The following COL23A1 variants were observed in gnomAD, a reference collection of about 807,000 sequenced individuals.
COL23A1 encodes the protein collagen alpha-1(XXIII) chain.
In COL23A1, 97 loss-of-function variants were observed where a neutral mutation model predicts 99.3. The observed-to-expected ratio is 0.98, with a 90% confidence interval of 0.83 to 1.16. The LOEUF is 1.16. Among genes scored for constraint, COL23A1 ranks in the 50% most tolerant of loss-of-function variants. COL23A1 has a pLI of 0.00. For missense variants in COL23A1, 762 were observed against 757.4 expected (o/e 1.01, Z -0.07); for synonymous variants, 320 against 308.2 (o/e 1.04, Z -0.40).
intron 2 of COL23A1, among the ~76,000 whole-genome samples, chr5:178,435,058 CA>C (rs1766482963): frequency 6.6e-6 from 1 of 152,208 alleles, no homozygotes; most frequent in Non-Finnish European, 1.5e-5. Flanking sequence ...GCGGGGCGAG[CA>C]ATAATCTTTT....
chr5:178,503,837 T>C (rs1758713961), intron 2 of COL23A1, among the ~76,000 whole-genome samples: 1 of 151,856 alleles, frequency 6.6e-6, no homozygotes, highest in Admixed American at 6.6e-5. Context: ...GGAAGGGGCA[T>C]ACAAATTAAA....
chr5:178,545,305 GC>G lies in COL23A1; in HGVS notation c.361+15376del, dbSNP rs1761522045. On this transcript the variant is annotated intron_variant, in intron 2 of 28. Coordinates refer to ENST00000390654, the MANE Select transcript of COL23A1 (RefSeq NM_173465.4). ...GCACTTTGAGCCTCTCCCTGTGCTG[GC>G]CCAACAGGGGGCTCAGGTTCCGCAC... Among the ~76,000 whole-genome samples, 6 of 152,222 alleles carry G rather than the reference GC, an allele frequency of 3.9e-5. No individual in the cohort carries two copies. In the South Asian group the frequency reaches 1.2e-3, roughly 32 times the overall value.
chr5:178,242,768 A>T (rs941184637), intron 25 of COL23A1, among the ~76,000 whole-genome samples: 1 of 152,090 alleles, frequency 6.6e-6, no homozygotes. Flanking sequence ...AGAAATGGTG[A>T]TCTCTGTTCT....
chr5:178,486,591 G>A (rs1757643994), intron 2 of COL23A1, among the ~76,000 whole-genome samples: 1 of 152,168 alleles, frequency 6.6e-6, no homozygotes, highest in Non-Finnish European at 1.5e-5. Flanking sequence ...CTTTCAGGAA[G>A]AGACAGTTGG....
At position 178,306,210 on chromosome 5, in the gene COL23A1, G is replaced by A. The variant is rs1464741577; in HGVS notation, c.406+665C>T. Among the ~76,000 whole-genome samples, 1 of 152,154 alleles carries A rather than the reference G, an allele frequency of 6.6e-6. No individual in the cohort carries two copies. The highest frequency in any genetic ancestry group is 1.5e-5 in the Non-Finnish European group (1 of 68,018). On this transcript the variant is annotated intron_variant, in intron 3 of 28. Transcript: ENST00000390654. The surrounding 1 kb of genome is among the most constrained non-coding windows in gnomAD (Gnocchi z 4.1). ...GACAGCCGGGACTGCCCAGCATGGG[G>A]GAGTGGCCAAGGGTGGGGGTCAAGA...
chr5:178,526,016 T>C (rs567215607), intron 2 of COL23A1, among the ~76,000 whole-genome samples: 6 of 152,336 alleles, frequency 3.9e-5, no homozygotes, highest in Non-Finnish European at 4.4e-5. Flanking sequence ...TAGTCAGCAC[T>C]GCACAGGCAG....
chr5:178,585,335 G>A (rs1466576208), intron 1 of COL23A1, among the ~76,000 whole-genome samples: 4 of 151,316 alleles, frequency 2.6e-5, no homozygotes, highest in African/African-American at 9.7e-5. Context: ...TTGTGGCCCC[G>A]GCTGACGCTC....
intron 2 of COL23A1, among the ~76,000 whole-genome samples, chr5:178,394,600 T>C (rs139563207): frequency 6.6e-6 from 1 of 152,328 alleles, no homozygotes; most frequent in East Asian, 1.9e-4. Flanking sequence ...TTGGGTAAAC[T>C]GAAAATCATC....
chr5:178,320,741 CAA>C (rs1260157453), intron 2 of COL23A1, among the ~76,000 whole-genome samples: 2 of 152,254 alleles, frequency 1.3e-5, no homozygotes, highest in Admixed American at 6.5e-5. Context: ...CGGCTTCCGC[CAA>C]AGAGTTTCAG....
intron 1 of COL23A1, among the ~76,000 whole-genome samples, chr5:178,575,311 T>C (rs761444664): frequency 1.2e-4 from 18 of 152,334 alleles, no homozygotes; most frequent in Non-Finnish European, 2.4e-4. Flanking sequence ...TTCCTAAGGC[T>C]GTCTTTCCAC....
intron 2 of COL23A1, among the ~76,000 whole-genome samples, chr5:178,505,737 G>A (rs1758832419): frequency 6.6e-6 from 1 of 152,150 alleles, no homozygotes; most frequent in South Asian, 2.1e-4. Context: ...AAGGTAATCT[G>A]CAGACAAACA....
rs554360614 is a variant in COL23A1 at position 178,555,428 on chromosome 5, C to A, written c.361+5254G>T. On this transcript the variant is annotated intron_variant, in intron 2 of 28. Transcript: ENST00000390654. ...TGATATACACCTAGAGCTATACTGG[C>A]GGCCACCTTCCCAAGCATAGGTCAC... is the stretch of plus-strand genomic sequence containing the variant. Among the ~76,000 whole-genome samples, 20 of 152,204 alleles carry A rather than the reference C, an allele frequency of 1.3e-4. No homozygotes were observed. In the South Asian group the frequency reaches 4.1e-3, roughly 32 times the overall value.
At chr5:178,585,435 A>G (rs74194245) in intron 1 of COL23A1, among the ~76,000 whole-genome samples, 10,420 of 61,478 alleles carry the variant, frequency 0.17, 554 homozygotes, top group East Asian at 0.41. Flanking sequence ...CCTGGTTGAC[A>G]CTGGGGTAAC....
chr5:178,545,356 G>A (rs558180792), intron 2 of COL23A1, among the ~76,000 whole-genome samples: 2 of 152,224 alleles, frequency 1.3e-5, no homozygotes, highest in African/African-American at 2.4e-5. Context: ...AGACATGACC[G>A]GACAACAGGC....
At chr5:178,467,572 T>C (rs1438606369) in intron 2 of COL23A1, among the ~76,000 whole-genome samples, 1 of 152,162 alleles carries the variant, frequency 6.6e-6, no homozygotes, top group Non-Finnish European at 1.5e-5. Flanking sequence ...GAGGTCCCCA[T>C]TGTGCGAGGG....
chr5:178,414,021 C>A (rs1409273628), intron 2 of COL23A1, among the ~76,000 whole-genome samples: 1 of 152,182 alleles, frequency 6.6e-6, no homozygotes, highest in Non-Finnish European at 1.5e-5. Context: ...AACCAGCCTG[C>A]AGCTGGGGCT....
intron 2 of COL23A1, among the ~76,000 whole-genome samples, chr5:178,430,807 T>C (rs918478095): frequency 2.0e-5 from 3 of 152,182 alleles, no homozygotes; most frequent in African/African-American, 7.2e-5. Flanking sequence ...TGATATTCTC[T>C]CCCAGCCATG....
intron 3 of COL23A1, among the ~76,000 whole-genome samples, chr5:178,300,379 AT>A (rs1488821737): frequency 6.6e-6 from 1 of 151,698 alleles, no homozygotes; most frequent in Non-Finnish European, 1.5e-5. Flanking sequence ...ATTTTCAAAG[AT>A]AGTTTTGCCA....
intron 2 of COL23A1, among the ~76,000 whole-genome samples, chr5:178,350,696 G>A (rs745435960): frequency 6.6e-6 from 1 of 152,188 alleles, no homozygotes; most frequent in Non-Finnish European, 1.5e-5. Flanking sequence ...AATGGGACCA[G>A]GCTGCCCGAG....
Sources: gnomAD v4.1 joint callset for allele counts (sites outside exome capture counted in the v4.1 genomes callset) on GRCh38, gnomAD v4.1.1 for gene constraint, Gnocchi (gnomAD v3.1) non-coding constraint, MANE v1.5 for transcripts, NCBI Gene and HGNC (gene_info 2026-07-23, HGNC 2026-07-21) for gene names.